TMEM184B: variants seen among roughly 807,000 people sequenced by gnomAD.
TMEM184B encodes transmembrane protein 184B.
A neutral mutation model predicts 41.8 loss-of-function variants in TMEM184B; 17 were observed. That is an observed-to-expected ratio of 0.41 (90% CI 0.28 to 0.61). The LOEUF (loss-of-function observed/expected upper bound fraction) is 0.61. Among genes scored for constraint, TMEM184B ranks in the 20% least tolerant of loss-of-function variants. The probability of loss-of-function intolerance (pLI) is 0.34; values close to 1 mark genes in which losing one functional copy is unlikely to be tolerated. For missense variants in TMEM184B, 393 were observed against 557.8 expected, an observed-to-expected ratio of 0.70 and a Z score of 2.98; for synonymous variants, 240 against 229.5, an observed-to-expected ratio of 1.05 and a Z score of -0.41.
chr22:38,231,267 C>G lies in TMEM184B; in HGVS notation c.426G>C (p.Ser142=), dbSNP rs780169789. ...ACTCAATGGGTTTTCCTCTGATCTC[C>G]GACATGATGGAACTTTCTCCTCCTA... ...EYLGGESSIM[S]EIRGKPIESS... is the part of the protein sequence containing the mutation. The change falls in exon 4 of 9, where the codon TCG becomes TCC. Residue 142 remains serine, a synonymous_variant. Transcript: ENST00000361906. 1.2e-6 allele frequency: 2 copies of G among 1,614,040 alleles called. No individual in the cohort carries two copies. Among genetic ancestry groups the G allele is most frequent in the East Asian group, 4.5e-5 (2 of 44,878 alleles).
intron 1 of TMEM184B, among the ~76,000 whole-genome samples, chr22:38,250,812 G>A (rs1220404491): frequency 6.6e-6 from 1 of 152,178 alleles, no homozygotes; most frequent in Non-Finnish European, 1.5e-5. Context: ...CTGGGATGTG[G>A]GTGAAGGCTA....
At position 38,225,057 on chromosome 22, in the gene TMEM184B, G is replaced by A. The variant is rs1414623378; in HGVS notation, c.788-78C>T. The A allele has an allele frequency of 2.1e-6, 3 of 1,428,308 alleles. No homozygotes were observed. Among genetic ancestry groups the A allele is most frequent in the African/African-American group, 2.8e-5 (2 of 70,242 alleles). 88.5% of individuals were successfully genotyped at this position (1,428,308 alleles called of 1,614,324 possible). On this transcript the variant is annotated intron_variant, in intron 7 of 8. Coordinates refer to ENST00000361906, the MANE Select transcript of TMEM184B (RefSeq NM_012264.5). This position sits in a 1 kb window ranked among gnomAD's most constrained non-coding sequence, Gnocchi z 4.4. The stretch of plus-strand genomic sequence containing the variant: ...CCCTTCTTCCACAATGCCCCATTCA[G>A]CTGCCCACATGCCCCAGTGAGGATG...
At chr22:38,259,419 G>C (rs1411617288) in intron 1 of TMEM184B, among the ~76,000 whole-genome samples, 2 of 152,196 alleles carry the variant, frequency 1.3e-5, no homozygotes, top group Non-Finnish European at 2.9e-5. Context: ...GATTATCCTG[G>C]ATAACCTGGG....
chr22:38,260,445 G>A (rs998808324), intron 1 of TMEM184B, among the ~76,000 whole-genome samples: 3 of 152,104 alleles, frequency 2.0e-5, no homozygotes, highest in African/African-American at 7.2e-5. Context: ...AAGGGCTGAC[G>A]TCATTTGCCC....
chr22:38,241,883 C>CAAAAAAAAAAAAA (rs34060428), intron 3 of TMEM184B, among the ~76,000 whole-genome samples: 1,353 of 32,532 alleles, frequency 0.042, 165 homozygotes, highest in Non-Finnish European at 0.065. Flanking sequence ...GACTCCGTCT[C>CAAAAAAAAAAAAA]AAAAAAAAAA....
intron 1 of TMEM184B, among the ~76,000 whole-genome samples, chr22:38,267,163 G>A (rs2092455924): frequency 6.6e-6 from 1 of 151,812 alleles, no homozygotes; most frequent in Non-Finnish European, 1.5e-5. Flanking sequence ...TGAGATCAAC[G>A]TGGCAAACTT....
At chr22:38,221,956 G>A in intron 8 of TMEM184B, 1 of 583,522 alleles carries the variant, frequency 1.7e-6, no homozygotes, top group Non-Finnish European at 3.0e-6. Flanking sequence ...AACCCCCACT[G>A]GGAGCTGGGC....
intron 2 of TMEM184B, chr22:38,246,499 G>A (rs2092033583): frequency 7.4e-6 from 2 of 269,924 alleles, no homozygotes; most frequent in Admixed American, 9.2e-5. Context: ...CCTCACTCCG[G>A]CTGTGACTGT....
intron 2 of TMEM184B, among the ~76,000 whole-genome samples, chr22:38,247,472 C>T (rs1040198564): frequency 6.6e-6 from 1 of 152,212 alleles, no homozygotes; most frequent in South Asian, 2.1e-4. Context: ...TCTTGGCGCA[C>T]GCCTGTAGTC....
chr22:38,218,046 A>T (rs1040757734), downstream of TMEM184B, among the ~76,000 whole-genome samples: 1 of 152,046 alleles, frequency 6.6e-6, no homozygotes, highest in Admixed American at 6.6e-5. Context: ...AGAGGAAAAA[A>T]CCCAGATTTC....
chr22:38,217,269 G>A (rs1166632151), downstream of TMEM184B, among the ~76,000 whole-genome samples: 1 of 133,448 alleles, frequency 7.5e-6, no homozygotes, highest in Non-Finnish European at 1.6e-5. Flanking sequence ...CGGATCACGA[G>A]GTCAGGAGAT....
intron 8 of TMEM184B, among the ~76,000 whole-genome samples, chr22:38,224,360 C>T (rs955283302): frequency 4.1e-4 from 63 of 152,170 alleles, no homozygotes; most frequent in Non-Finnish European, 6.0e-4. Context: ...GTGATCCACC[C>T]GCCTCGGCCT....
intron 3 of TMEM184B, among the ~76,000 whole-genome samples, chr22:38,236,114 CTG>C (rs960555125): frequency 1.3e-4 from 20 of 152,228 alleles, no homozygotes; most frequent in Non-Finnish European, 2.5e-4. Flanking sequence ...GACAATCAGG[CTG>C]TGTCTTCTCT....
chr22:38,232,780 C>T (rs1284609704), intron 3 of TMEM184B, among the ~76,000 whole-genome samples: 1 of 152,210 alleles, frequency 6.6e-6, no homozygotes, highest in African/African-American at 2.4e-5. Context: ...CCGAGCAGCA[C>T]TAATGCTGCA....
rs185964695 is a variant in TMEM184B, at chr22:38,225,813, G to A, written c.618-220C>T. On this transcript the variant is annotated intron_variant, in intron 6 of 8. Transcript: ENST00000361906. This position sits in a 1 kb window ranked among gnomAD's most constrained non-coding sequence, Gnocchi z 4.4. ...AGACCAGCTCTACTGCCTCTGCGTG[G>A]CTCGTGGACTTGTCTAAGCCCTGGT... 2.0e-5 allele frequency among the ~76,000 whole-genome samples: 3 copies of A among 152,322 alleles called. No individual in the cohort carries two copies. Among genetic ancestry groups the A allele is most frequent in the East Asian group, 3.9e-4 (2 of 5,172 alleles).
chr22:38,261,547 G>A (rs1252379160), intron 1 of TMEM184B, among the ~76,000 whole-genome samples: 1 of 152,070 alleles, frequency 6.6e-6, no homozygotes, highest in African/African-American at 2.4e-5. Flanking sequence ...CCTCAGCGAG[G>A]GCTTACTCAA....
intron 3 of TMEM184B, among the ~76,000 whole-genome samples, chr22:38,238,635 C>A (rs573298603): frequency 6.6e-6 from 1 of 152,350 alleles, no homozygotes; most frequent in South Asian, 2.1e-4. Flanking sequence ...CACCTGCGGC[C>A]CTCGGCTGTG....
intron 1 of TMEM184B, among the ~76,000 whole-genome samples, chr22:38,266,964 T>TC (rs1306488989): frequency 1.3e-5 from 2 of 151,608 alleles, no homozygotes; most frequent in Non-Finnish European, 2.9e-5. Context: ...GTGCCTGTAC[T>TC]CCCAGCTACT....
At chr22:38,252,617 T>C (rs2092191807) in intron 1 of TMEM184B, among the ~76,000 whole-genome samples, 2 of 152,104 alleles carry the variant, frequency 1.3e-5, no homozygotes, top group South Asian at 2.1e-4. Context: ...TACAGGAGCC[T>C]AGAGCAAGCA....
Sources: allele counts gnomAD v4.1 joint callset (sites outside exome capture counted in the v4.1 genomes callset), GRCh38; gene constraint gnomAD v4.1.1; non-coding constraint Gnocchi (gnomAD v3.1); transcripts MANE v1.5; gene names NCBI Gene and HGNC (gene_info 2026-07-23, HGNC 2026-07-21).